Variants in PCDHGB5 observed in about 807,000 individuals in gnomAD.
The protein encoded by PCDHGB5 is protocadherin gamma subfamily B, 5.
In PCDHGB5, 48 loss-of-function variants were observed where a neutral mutation model predicts 62.9. The ratio of observed to expected loss-of-function variants is 0.76; its 90% CI spans 0.61 to 0.97. The LOEUF (loss-of-function observed/expected upper bound fraction) is 0.97. Ranked by LOEUF, PCDHGB5 falls within the 50% of genes least tolerant of loss-of-function variation. The pLI is 0.00. For missense variants in PCDHGB5, 1,118 were observed against 1,198.6 expected (o/e 0.93, Z 0.99); for synonymous variants, 474 against 511.2 (o/e 0.93, Z 0.98).
chr5:141,401,125 C>T (rs2094118410), intron 1 of PCDHGB5, among the ~76,000 whole-genome samples: 1 of 152,200 alleles, frequency 6.6e-6, no homozygotes, highest in South Asian at 2.1e-4. Context: ...GGTTGGATCA[C>T]ATGGTCAGGA....
In PCDHGB5 at chr5:141,431,354, G is replaced by T. The variant is rs777198567; in HGVS notation, c.2397+30830G>T. The T allele has an allele frequency of 1.9e-6, 3 of 1,614,036 alleles. No individual in the cohort carries two copies. In the South Asian group the frequency reaches 3.3e-5, roughly 18 times the overall value. ...GTACCCCGAATTGGTGCTGAAACGC[G>T]CCCTGGACCGCGAAGAAAAGGCTGC... On this transcript the variant is annotated intron_variant, in intron 1 of 3. Coordinates refer to ENST00000617380, the MANE Select transcript of PCDHGB5 (RefSeq NM_018925.3). This position sits in a 1 kb window ranked among gnomAD's most constrained non-coding sequence, Gnocchi z 4.8.
chr5:141,491,823 C>T lies in PCDHGB5; in HGVS notation c.2398-2984C>T, dbSNP rs1242708273. On this transcript the variant is annotated intron_variant, in intron 1 of 3. Transcript: ENST00000617380. The surrounding 1 kb of genome is among the most constrained non-coding windows in gnomAD (Gnocchi z 6.9). ...GCCGGCTTGGTCGCTGGCTGCGCTC[C>T]ACCCGATTCTCGGGATCATTGGACC... The T allele has an allele frequency of 2.7e-6, 4 of 1,479,038 alleles. No homozygotes were observed. Among genetic ancestry groups the T allele is most frequent in the Non-Finnish European group, 3.6e-6 (4 of 1,115,300 alleles). 91.6% of individuals were successfully genotyped at this position (1,479,038 alleles called of 1,614,324 possible).
In PCDHGB5 at chr5:141,485,610, C is replaced by A; in HGVS notation, c.2398-9197C>A. ...CTGGACTTGGAAATTGGGGAGGCAGCTCCTCCAGGACAGCGTTTCCCGTTG... is the reference window on the plus strand; with the variant it reads ...CTGGACTTGGAAATTGGGGAGGCAGATCCTCCAGGACAGCGTTTCCCGTTG... On this transcript the variant is annotated intron_variant, in intron 1 of 3. Coordinates refer to ENST00000617380, the MANE Select transcript of PCDHGB5 (RefSeq NM_018925.3). This position sits in a 1 kb window ranked among gnomAD's most constrained non-coding sequence, Gnocchi z 5.7. The A allele has an allele frequency of 1.2e-6, 2 of 1,612,076 alleles. No individual in the cohort carries two copies. The highest frequency in any genetic ancestry group is 1.7e-6 in the Non-Finnish European group (2 of 1,178,616).
chr5:141,485,109 CTGTT>C lies in PCDHGB5; in HGVS notation c.2398-9695_2398-9692del. ...AGATAGGTGTCTCCAGCTGCTGTGG[CTGTT>C]TGGGGCGGGTCGGCTTCATCCGCGT... On this transcript the variant is annotated intron_variant, in intron 1 of 3. Transcript: ENST00000617380. This position sits in a 1 kb window ranked among gnomAD's most constrained non-coding sequence, Gnocchi z 5.7. 8.1e-7 allele frequency: 1 copy of C among 1,230,964 alleles called. No individual in the cohort carries two copies. Among genetic ancestry groups the C allele is most frequent in the Non-Finnish European group, 1.2e-6 (1 of 850,026 alleles). The allele number at this position is 1,230,964 out of a possible 1,614,324, so 76.3% of individuals were successfully genotyped here.
intron 1 of PCDHGB5, among the ~76,000 whole-genome samples, chr5:141,453,670 G>A (rs191035462): frequency 2.5e-4 from 38 of 152,224 alleles, no homozygotes; most frequent in Middle Eastern, 6.8e-3. Context: ...TACACAAAAG[G>A]TAACACACTA....
chr5:141,501,971 G>A (rs2099812098), intron 2 of PCDHGB5, among the ~76,000 whole-genome samples: 1 of 151,956 alleles, frequency 6.6e-6, no homozygotes. Context: ...CCTAACCTCT[G>A]GCATCTGGTC....
intron 1 of PCDHGB5, 96 bp from the exon 2 acceptor site, chr5:141,494,711 A>T (rs757105958): frequency 6.3e-7 from 1 of 1,599,616 alleles, no homozygotes; most frequent in Non-Finnish European, 8.5e-7. Context: ...CTCTGTGCCC[A>T]CTCCCCTCCT....
chr5:141,472,316 C>T (rs1456055286), intron 1 of PCDHGB5, among the ~76,000 whole-genome samples: 6 of 151,940 alleles, frequency 3.9e-5, no homozygotes, highest in Non-Finnish European at 8.8e-5. Context: ...CCGAGGCAGG[C>T]AGATCACGAG....
chr5:141,405,927 A>G (rs138259154), intron 1 of PCDHGB5, among the ~76,000 whole-genome samples: 13 of 152,268 alleles, frequency 8.5e-5, no homozygotes, highest in African/African-American at 2.6e-4. Flanking sequence ...ATTTGCTGAT[A>G]TAACTTTCAT....
At chr5:141,426,480 C>T (rs1379758117) in intron 1 of PCDHGB5, 4 of 325,590 alleles carry the variant, frequency 1.2e-5, no homozygotes, top group Non-Finnish European at 1.8e-5. Flanking sequence ...TGACCTGAAA[C>T]CTTAGAGTTA....
intron 1 of PCDHGB5, chr5:141,400,754 C>G: frequency 1.7e-6 from 1 of 589,004 alleles, no homozygotes. Context: ...TTAGCTTCCT[C>G]TCTAGCAAAA....
rs966291038 is a variant in PCDHGB5, at chr5:141,487,740, G to A, written c.2398-7067G>A. 4 of 1,562,290 alleles carry A rather than the reference G, an allele frequency of 2.6e-6. No individual in the cohort carries two copies. The highest frequency in any genetic ancestry group is 1.7e-6 in the Non-Finnish European group (2 of 1,151,972). On this transcript the variant is annotated intron_variant, in intron 1 of 3. Transcript: ENST00000617380. The surrounding 1 kb of genome is among the most constrained non-coding windows in gnomAD (Gnocchi z 5.0). ...CATAGTGATGTCACCATTTTTGTAAGAGGTAACTATGTGGTAGACGCTGTG... is the reference window on the plus strand; with the variant it reads ...CATAGTGATGTCACCATTTTTGTAAAAGGTAACTATGTGGTAGACGCTGTG...
intron 1 of PCDHGB5, chr5:141,404,757 C>T (rs759444247): frequency 3.1e-6 from 5 of 1,613,918 alleles, no homozygotes; most frequent in Non-Finnish European, 4.2e-6. Flanking sequence ...GGCCAGAATG[C>T]TTGGCTCTCC....
At position 141,476,409 on chromosome 5, in the gene PCDHGB5, G is replaced by A. The variant is rs1226666958; in HGVS notation, c.2398-18398G>A. The A allele has an allele frequency of 6.2e-7, 1 of 1,614,154 alleles. No homozygotes were observed. The highest frequency in any genetic ancestry group is 1.7e-5 in the Admixed American group (1 of 60,030). ...GACCGTCTGGATCGAGAGGAGCTGT[G>A]TGGGACACTGCCCTCTTGCACTGTA... is the stretch of plus-strand genomic sequence containing the variant. On this transcript the variant is annotated intron_variant, in intron 1 of 3. Coordinates refer to ENST00000617380, the MANE Select transcript of PCDHGB5 (RefSeq NM_018925.3). The surrounding 1 kb of genome is among the most constrained non-coding windows in gnomAD (Gnocchi z 7.6).
In PCDHGB5 at chr5:141,494,863, C is replaced by A. The variant is rs538734954; in HGVS notation, c.2454C>A (p.Ser818Arg). 17 of 1,614,118 alleles carry A rather than the reference C, an allele frequency of 1.1e-5. No individual in the cohort carries two copies. Among genetic ancestry groups the A allele is most frequent in the Non-Finnish European group, 1.4e-5 (17 of 1,179,994 alleles). Residue 818 changes from serine to arginine, a missense_variant and splice_region_variant, in exon 2 of 4, where the codon AGC becomes AGA. By Grantham distance (110) the Ser-to-Arg change is moderately radical. Transcript: ENST00000617380. ...RFSQAQRPGT[S>R]GSQNGDDTGT... ...CTCAGGCCCAGAGACCCGGCACCAG[C>A]GGGTAGGTGACTGATTCTCCAGCCC...
intron 1 of PCDHGB5, among the ~76,000 whole-genome samples, chr5:141,444,497 C>G (rs899746599): frequency 3.3e-5 from 5 of 152,026 alleles, no homozygotes; most frequent in African/African-American, 1.2e-4. Context: ...TTGTGTAATA[C>G]TTTGCTCTAG....
At chr5:141,429,599 A>G (rs2097227286) in intron 1 of PCDHGB5, among the ~76,000 whole-genome samples, 1 of 152,238 alleles carries the variant, frequency 6.6e-6, no homozygotes, top group Non-Finnish European at 1.5e-5. Flanking sequence ...TAATTCAAGT[A>G]AACTCAATTT....
At chr5:141,423,123 A>C in intron 1 of PCDHGB5, 1 of 1,613,760 alleles carries the variant, frequency 6.2e-7, no homozygotes. Flanking sequence ...CAGCGCGGGC[A>C]CTGCTGGACA....
chr5:141,498,197 A>C (rs1191884415), intron 2 of PCDHGB5, among the ~76,000 whole-genome samples: 1 of 152,246 alleles, frequency 6.6e-6, no homozygotes. Flanking sequence ...AACCAGCTAA[A>C]GAAAAGAAGG....
Sources: allele counts gnomAD v4.1 joint callset (sites outside exome capture counted in the v4.1 genomes callset), GRCh38; gene constraint gnomAD v4.1.1; non-coding constraint Gnocchi (gnomAD v3.1); transcripts MANE v1.5; gene names NCBI Gene and HGNC (gene_info 2026-07-23, HGNC 2026-07-21).